Variants in PDE3A observed in about 807,000 individuals in gnomAD.
PDE3A encodes the protein phosphodiesterase 3A.
PDE3A carries 43 observed loss-of-function variants against 98.3 expected under a neutral mutation model. That is an observed-to-expected ratio of 0.44 (90% CI 0.34 to 0.56). PDE3A has a LOEUF of 0.56. PDE3A is among the 20% of genes least tolerant of loss of function. The pLI is 0.01. For missense variants in PDE3A, 1,427 were observed against 1,440.7 expected, an observed-to-expected ratio of 0.99 and a Z score of 0.15; for synonymous variants, 663 against 567.9, an observed-to-expected ratio of 1.17 and a Z score of -2.38.
At chr12:20,663,219 G>C (rs775574559) in intron 15 of PDE3A, among the ~76,000 whole-genome samples, 1 of 152,240 alleles carries the variant, frequency 6.6e-6, no homozygotes, top group Non-Finnish European at 1.5e-5. Flanking sequence ...CCTGGCAGAA[G>C]TTTGCTACAG....
chr12:20,513,136 A>G (rs1946258734), intron 1 of PDE3A, among the ~76,000 whole-genome samples: 1 of 152,096 alleles, frequency 6.6e-6, no homozygotes, highest in South Asian at 2.1e-4. Context: ...TTCGTGTTTT[A>G]CATTTTGTCA....
At chr12:20,573,790 A>G (rs1942861577) in intron 2 of PDE3A, among the ~76,000 whole-genome samples, 1 of 152,082 alleles carries the variant, frequency 6.6e-6, no homozygotes, top group African/African-American at 2.4e-5. Context: ...TAGAAACATA[A>G]TCCCTATATT....
chr12:20,652,316 T>C (rs894594226), intron 14 of PDE3A, among the ~76,000 whole-genome samples: 3 of 152,208 alleles, frequency 2.0e-5, no homozygotes, highest in African/African-American at 4.8e-5. Flanking sequence ...ATGGTATTTC[T>C]AGTTCTAGAT....
chr12:20,475,241 T>C (rs1945511293), intron 1 of PDE3A, among the ~76,000 whole-genome samples: 1 of 150,056 alleles, frequency 6.7e-6, no homozygotes, highest in South Asian at 2.1e-4. Flanking sequence ...TTAAAATTCC[T>C]GAGCTCCTCT....
In PDE3A at chr12:20,521,831, A is replaced by G. The variant is rs1357642734; in HGVS notation, c.961-34829A>G. 2.0e-5 allele frequency among the ~76,000 whole-genome samples: 3 copies of G among 152,224 alleles called. No individual in the cohort carries two copies. The East Asian group carries it at 5.8e-4, about 30-fold the overall frequency. On this transcript the variant is annotated intron_variant, in intron 1 of 15. Coordinates refer to ENST00000359062, the MANE Select transcript of PDE3A (RefSeq NM_000921.5). Reference sequence around the variant, plus strand: ...ACATACAGTGGAGAGAGTCAGTGGCAGTGGGCTGGACAGGAGAACCAACTT... The same window carrying G: ...ACATACAGTGGAGAGAGTCAGTGGCGGTGGGCTGGACAGGAGAACCAACTT...
chr12:20,393,644 A>G (rs767357526), intron 1 of PDE3A, among the ~76,000 whole-genome samples: 11 of 152,094 alleles, frequency 7.2e-5, no homozygotes, highest in Non-Finnish European at 1.5e-4. Context: ...ATCAATTAAA[A>G]AGTAAAGAAA....
intron 12 of PDE3A, 104 bp downstream of exon 12, chr12:20,647,054 A>G (rs1038319265): frequency 5.5e-6 from 4 of 723,394 alleles, no homozygotes; most frequent in East Asian, 2.6e-5. Context: ...AAGCCAAACT[A>G]TACATAGTCT....
At chr12:20,434,585 G>A (rs1021446441) in intron 1 of PDE3A, among the ~76,000 whole-genome samples, 1 of 152,134 alleles carries the variant, frequency 6.6e-6, no homozygotes, top group Non-Finnish European at 1.5e-5. Context: ...TAGTGTAGTG[G>A]CAGGGACGGG....
rs1178598194 is a variant in PDE3A at position 20,447,511 on chromosome 12, T to C, written c.960+77267T>C. Among the ~76,000 whole-genome samples the C allele has an allele frequency of 3.3e-5, 5 of 152,216 alleles. No homozygotes were observed. In the East Asian group the frequency reaches 7.7e-4, roughly 24 times the overall value. Reference sequence around the variant, plus strand: ...GATACAGTCAGTCATACCTGTAGAATTGAAGCCTCTATGTAAAACCTAAAG... The same window carrying C: ...GATACAGTCAGTCATACCTGTAGAACTGAAGCCTCTATGTAAAACCTAAAG... On this transcript the variant is annotated intron_variant, in intron 1 of 15. Coordinates refer to ENST00000359062, the MANE Select transcript of PDE3A (RefSeq NM_000921.5).
At chr12:20,520,364 A>C (rs1946399353) in intron 1 of PDE3A, among the ~76,000 whole-genome samples, 1 of 152,180 alleles carries the variant, frequency 6.6e-6, no homozygotes, top group Admixed American at 6.5e-5. Context: ...TTAGCTAATT[A>C]TTTGACTTGA....
chr12:20,665,959 C>CTT (rs35859257), intron 15 of PDE3A, among the ~76,000 whole-genome samples: 3,719 of 94,916 alleles, frequency 0.039, 87 homozygotes, highest in Non-Finnish European at 0.056. Flanking sequence ...TTTGTCATTT[C>CTT]TTTTTTTTTT....
chr12:20,602,243 T>C (rs188037875), intron 2 of PDE3A, among the ~76,000 whole-genome samples: 3 of 152,304 alleles, frequency 2.0e-5, no homozygotes, highest in African/African-American at 7.2e-5. Context: ...TCTTTTCTAA[T>C]TAAGAGAAAG....
At chr12:20,466,243 G>A (rs1325195087) in intron 1 of PDE3A, among the ~76,000 whole-genome samples, 1 of 152,168 alleles carries the variant, frequency 6.6e-6, no homozygotes, top group Non-Finnish European at 1.5e-5. Context: ...ATGCTTCTAC[G>A]GAGCACAAAC....
chr12:20,388,991 A>G (rs1388872564), intron 1 of PDE3A, among the ~76,000 whole-genome samples: 1 of 152,078 alleles, frequency 6.6e-6, no homozygotes, highest in Non-Finnish European at 1.5e-5. Flanking sequence ...AACAGTTTCT[A>G]TAACTACTGA....
intron 1 of PDE3A, among the ~76,000 whole-genome samples, chr12:20,459,125 A>G (rs1272340438): frequency 6.6e-6 from 1 of 152,182 alleles, no homozygotes; most frequent in Non-Finnish European, 1.5e-5. Flanking sequence ...AAATTTGTAC[A>G]ATGTACATCT....
intron 1 of PDE3A, among the ~76,000 whole-genome samples, chr12:20,403,520 G>A (rs1357897183): frequency 2.0e-5 from 3 of 152,208 alleles, no homozygotes; most frequent in South Asian, 2.1e-4. Context: ...GGATTTGTGA[G>A]CACCATTCCA....
chr12:20,589,805 C>T (rs917374896), intron 2 of PDE3A, among the ~76,000 whole-genome samples: 1 of 146,762 alleles, frequency 6.8e-6, no homozygotes, highest in African/African-American at 2.5e-5. Context: ...GGAGGTGGAG[C>T]TTGCAGTAAG....
chr12:20,566,852 T>TTAAC (rs1942672111), intron 2 of PDE3A, among the ~76,000 whole-genome samples: 2 of 151,994 alleles, frequency 1.3e-5, no homozygotes, highest in Admixed American at 1.3e-4. Flanking sequence ...CCGACAGGTC[T>TTAAC]TAACTCCACT....
At chr12:20,535,443 A>G (rs553861751) in intron 1 of PDE3A, among the ~76,000 whole-genome samples, 13 of 152,286 alleles carry the variant, frequency 8.5e-5, no homozygotes, top group African/African-American at 3.1e-4. Flanking sequence ...GGCTGTTTGC[A>G]TTCTGTCTGT....
Sources: allele counts gnomAD v4.1 joint callset (sites outside exome capture counted in the v4.1 genomes callset), GRCh38; gene constraint gnomAD v4.1.1; transcripts MANE v1.5; gene names NCBI Gene and HGNC (gene_info 2026-07-23, HGNC 2026-07-21).